LAMA3: variants seen among roughly 807,000 people sequenced by gnomAD.
LAMA3 encodes laminin subunit alpha-3.
A neutral mutation model predicts 402.0 loss-of-function variants in LAMA3; 281 were observed. That is an observed-to-expected ratio of 0.70 (90% confidence interval 0.63 to 0.77). The LOEUF is 0.77. Among genes scored for constraint, LAMA3 ranks in the 30% least tolerant of loss-of-function variants. The pLI is 0.00. For synonymous variants in LAMA3, 1,431 were observed against 1,558.4 expected (o/e 0.92, Z 1.93); for missense variants, 3,840 against 4,215.5 (o/e 0.91, Z 2.47).
intron 47 of LAMA3, chr18:23,899,719 T>C: frequency 2.6e-6 from 1 of 379,866 alleles, no homozygotes; most frequent in South Asian, 2.6e-5. Context: ...TCTTTTTCCT[T>C]CTTAACTGCA....
At chr18:23,952,604 C>G (rs969093785) in intron 73 of LAMA3, among the ~76,000 whole-genome samples, 7 of 152,182 alleles carry the variant, frequency 4.6e-5, no homozygotes, top group African/African-American at 1.7e-4. Context: ...CATCAGCTTT[C>G]AGAAGTCAGT....
intron 68 of LAMA3, 61 bp downstream of exon 68, chr18:23,939,447 A>G: frequency 5.1e-6 from 8 of 1,555,682 alleles, no homozygotes; most frequent in Non-Finnish European, 6.2e-6. Flanking sequence ...ATTCCACCTC[A>G]GGGAAGTCTG....
intron 36 of LAMA3, among the ~76,000 whole-genome samples, chr18:23,867,144 C>A (rs1296801148): frequency 6.6e-6 from 1 of 152,194 alleles, no homozygotes; most frequent in Non-Finnish European, 1.5e-5. Flanking sequence ...CAACCCTCTG[C>A]CCTCCCCACC....
intron 31 of LAMA3, 48 bp downstream of exon 31, chr18:23,846,556 G>A: frequency 6.5e-7 from 1 of 1,528,686 alleles, no homozygotes; most frequent in Non-Finnish European, 8.9e-7. Flanking sequence ...GTCCCGTGTG[G>A]ATGATGCTTA....
At position 23,896,344 on chromosome 18, in the gene LAMA3, A is replaced by G. The variant is rs551627194; in HGVS notation, c.5613+1286A>G. On this transcript the variant is annotated intron_variant, in intron 44 of 74. Transcript: ENST00000313654. ...CAGCGAGACTCCATCTCAAAAAACA[A>G]AAGCAAAAACAAAAAACAAAAACAA... Among the ~76,000 whole-genome samples, 257 of 152,330 alleles carry G rather than the reference A, an allele frequency of 1.7e-3. 1 individual carries two copies. Among genetic ancestry groups the G allele is most frequent in the African/African-American group, 5.9e-3 (246 of 41,580 alleles).
intron 37 of LAMA3, among the ~76,000 whole-genome samples, chr18:23,869,942 C>A (rs976194798): frequency 6.6e-6 from 1 of 151,906 alleles, no homozygotes; most frequent in Non-Finnish European, 1.5e-5. Context: ...GTGGCACACA[C>A]CTGCAGTCAG....
intron 37 of LAMA3, among the ~76,000 whole-genome samples, chr18:23,869,079 A>G (rs1386429339): frequency 2.0e-5 from 3 of 152,256 alleles, no homozygotes; most frequent in African/African-American, 7.2e-5. Context: ...TGATATCAGT[A>G]AAATGATAGA....
intron 39 of LAMA3, among the ~76,000 whole-genome samples, chr18:23,878,277 A>G (rs1287300251): frequency 6.6e-6 from 1 of 152,252 alleles, no homozygotes; most frequent in Admixed American, 6.5e-5. Flanking sequence ...TTAATCAAAC[A>G]AGATTTTCTT....
Position 23,935,217 on chromosome 18 carries a change from C to T in LAMA3, c.8862+1282C>T, listed in dbSNP as rs897719530. On this transcript the variant is annotated intron_variant, in intron 67 of 74. Coordinates refer to ENST00000313654, the MANE Select transcript of LAMA3 (RefSeq NM_198129.4). ...GGAGTTAAAATAATTCTGAGGCACCCAGTCTGGGTTATTGGATGAATGGGG... is the reference window on the plus strand; with the variant it reads ...GGAGTTAAAATAATTCTGAGGCACCTAGTCTGGGTTATTGGATGAATGGGG... Among the ~76,000 whole-genome samples, 6 of 152,300 alleles carry T rather than the reference C, an allele frequency of 3.9e-5. No homozygotes were observed. In the East Asian group the frequency reaches 9.6e-4, roughly 24 times the overall value.
At position 23,932,204 on chromosome 18, in the gene LAMA3, G is replaced by A. The variant is rs778337736; in HGVS notation, c.8621G>A (p.Arg2874Lys). 2 of 1,613,998 alleles carry A rather than the reference G, an allele frequency of 1.2e-6. No individual in the cohort carries two copies. The highest frequency in any genetic ancestry group is 2.2e-5 in the East Asian group (1 of 44,896). ...IDDQLLRNSK[R>K]LKHISSSRQS... ...GACCAGCTTCTGAGAAATAGCAAAA[G>A]GCTAAAACACATTTCAAGTTCCCGG... Residue 2874 changes from arginine to lysine, a missense_variant, in exon 66 of 75, where the codon AGG becomes AAG. Transcript: ENST00000313654.
At position 23,824,533 on chromosome 18, in the gene LAMA3, G is replaced by A. The variant is rs865849568; in HGVS notation, c.2539G>A (p.Val847Ile). ...DPFSITPGIW[V>I]ACIKAEGVLL... ...ATTTTCAATCACACCAGGAATATGG[G>A]TTGCTTGTATTAAGGCAGAAGGAGT... is the stretch of plus-strand genomic sequence containing the variant. Residue 847 changes from valine to isoleucine, a missense_variant, in exon 21 of 75, where the codon GTT (valine) becomes ATT (isoleucine). Val to Ile is a conservative substitution (Grantham distance 29, BLOSUM62 3). Around this residue, in one of 3 missense-constraint regions of LAMA3, gnomAD observed 2,109 missense variants for 2,376.0 expected, o/e 0.89. Coordinates refer to ENST00000313654, the MANE Select transcript of LAMA3 (RefSeq NM_198129.4). 6.2e-7 allele frequency: 1 copy of A among 1,614,098 alleles called. No individual in the cohort carries two copies. Among genetic ancestry groups the A allele is most frequent in the South Asian group, 1.1e-5 (1 of 91,078 alleles).
chr18:23,901,424 C>T, intron 48 of LAMA3, 101 bp downstream of exon 48: 1 of 966,586 alleles, frequency 1.0e-6, no homozygotes, highest in Non-Finnish European at 1.6e-6. Flanking sequence ...CCTGTCTGTA[C>T]ATCTCATTAT....
At chr18:23,729,814 C>T (rs924012172) in intron 2 of LAMA3, among the ~76,000 whole-genome samples, 3 of 152,210 alleles carry the variant, frequency 2.0e-5, no homozygotes, top group Admixed American at 6.5e-5. Context: ...GGGATAGACC[C>T]GGGATTTGCT....
chr18:23,698,332 G>C (rs996669203), intron 1 of LAMA3, among the ~76,000 whole-genome samples: 1 of 149,810 alleles, frequency 6.7e-6, no homozygotes, highest in African/African-American at 2.5e-5. Flanking sequence ...TCAGCCTCCC[G>C]AGTAGCTGGG....
At chr18:23,695,731 A>ATAC (rs2060671107) in intron 1 of LAMA3, among the ~76,000 whole-genome samples, 1 of 123,806 alleles carries the variant, frequency 8.1e-6, no homozygotes, top group African/African-American at 3.0e-5. Flanking sequence ...CCAGAGGTGG[A>ATAC]GGCTGCAGTG....
At chr18:23,847,415 C>G (rs778795405) in intron 31 of LAMA3, 49 bp from the exon 32 acceptor site, 15 of 1,582,348 alleles carry the variant, frequency 9.5e-6, no homozygotes, top group Non-Finnish European at 1.2e-5. Flanking sequence ...GCTGCTGGAG[C>G]CCAGGCGGCC....
intron 12 of LAMA3, chr18:23,795,900 A>T (rs2062754100): frequency 5.6e-6 from 1 of 178,792 alleles, no homozygotes; most frequent in Non-Finnish European, 1.2e-5. Flanking sequence ...ATTTGGAGTA[A>T]GGAAGTAATT....
In LAMA3 at chr18:23,879,884, C is replaced by T. The variant is rs1238363562; in HGVS notation, c.5113-2052C>T. On this transcript the variant is annotated intron_variant, in intron 39 of 74. Transcript: ENST00000313654. The surrounding 1 kb of genome is among the most constrained non-coding windows in gnomAD (Gnocchi z 4.2). ...TACTCAGAGTGATTTTAGTAGGATA[C>T]GGATGTCCTCACCTCAATTCTTGCA... Among the ~76,000 whole-genome samples, 1 of 152,188 alleles carries T rather than the reference C, an allele frequency of 6.6e-6. No homozygotes were observed. The highest frequency in any genetic ancestry group is 1.5e-5 in the Non-Finnish European group (1 of 68,032).
At chr18:23,909,581 C>T (rs2081365513) in intron 55 of LAMA3, among the ~76,000 whole-genome samples, 1 of 152,216 alleles carries the variant, frequency 6.6e-6, no homozygotes, top group Non-Finnish European at 1.5e-5. Flanking sequence ...AGTTTGTAAA[C>T]TGTAATTGCA....
Sources: gnomAD v4.1 joint callset for allele counts (sites outside exome capture counted in the v4.1 genomes callset) on GRCh38, gnomAD v4.1.1 for gene constraint, gnomAD v4.1.1 regional missense constraint, Gnocchi (gnomAD v3.1) non-coding constraint, MANE v1.5 for transcripts, NCBI Gene and HGNC (gene_info 2026-07-23, HGNC 2026-07-21) for gene names.